FAF1: variants seen among roughly 807,000 people sequenced by gnomAD.
FAF1 encodes the protein Fas associated factor 1.
In FAF1, 25 loss-of-function variants were observed where a neutral mutation model predicts 92.5. That is an observed-to-expected ratio of 0.27 (90% CI 0.20 to 0.38). The LOEUF (loss-of-function observed/expected upper bound fraction) is 0.38, where lower values mean the gene tolerates loss of function less well. FAF1 is among the 10% of genes least tolerant of loss of function. The probability of loss-of-function intolerance (pLI) is 1.00; values close to 1 mark genes in which losing one functional copy is unlikely to be tolerated. For synonymous variants in FAF1, 234 were observed against 273.2 expected (o/e 0.86, Z 1.42); for missense variants, 636 against 793.3 (o/e 0.80, Z 2.38).
At chr1:50,441,555 C>T in intron 18 of FAF1, 32 bp from the exon 19 acceptor site, 1 of 1,316,978 alleles carries the variant, frequency 7.6e-7, no homozygotes, top group Non-Finnish European at 1.1e-6. Flanking sequence ...ATTCAAAAGA[C>T]TGAAACAAGC....
At chr1:50,760,012 T>C (rs182067132) in intron 4 of FAF1, among the ~76,000 whole-genome samples, 173 of 152,306 alleles carry the variant, frequency 1.1e-3, no homozygotes, top group Non-Finnish European at 1.8e-3. Context: ...TGTTTTTTTC[T>C]TGTAAATTTG....
chr1:50,590,690 G>A (rs1651459951), intron 9 of FAF1, among the ~76,000 whole-genome samples: 1 of 152,122 alleles, frequency 6.6e-6, no homozygotes, highest in African/African-American at 2.4e-5. Context: ...TGGTGAAAGG[G>A]GTCATTCTTG....
rs1445430902 is a variant in FAF1, at chr1:50,763,588, C to T, written c.368-18813G>A. Among the ~76,000 whole-genome samples, 8 of 152,234 alleles carry T rather than the reference C, an allele frequency of 5.3e-5. No individual in the cohort carries two copies. In the South Asian group the frequency reaches 1.4e-3, roughly 28 times the overall value. On this transcript the variant is annotated intron_variant, in intron 4 of 18. Transcript: ENST00000396153. ...GCCTAGAAGTCGTTCAGACAACATC[C>T]TTCCCTCTCCAGCCTCTAGCTCCCA...
intron 1 of FAF1, among the ~76,000 whole-genome samples, chr1:50,918,101 C>T (rs1230562143): frequency 6.6e-6 from 1 of 152,048 alleles, no homozygotes; most frequent in African/African-American, 2.4e-5. Context: ...GGCCACCACA[C>T]CCTGCCTATA....
chr1:50,650,305 A>G lies in FAF1; in HGVS notation c.744+5137T>C, dbSNP rs915547139. 1.7e-4 allele frequency among the ~76,000 whole-genome samples: 25 copies of G among 144,516 alleles called. No homozygotes were observed. In the East Asian group the frequency reaches 2.0e-3, roughly 11 times the overall value. The allele number at this position is 144,516 out of a possible 152,430, so 94.8% of individuals were successfully genotyped here. Reference sequence around the variant, plus strand: ...GTCTCAAAAAAAAAAAAAAAAAAAAAGTAATAAAACTGAAAGAGTTGGCCG... The same window carrying G: ...GTCTCAAAAAAAAAAAAAAAAAAAAGGTAATAAAACTGAAAGAGTTGGCCG... On this transcript the variant is annotated intron_variant, in intron 8 of 18. Transcript: ENST00000396153.
In FAF1 at chr1:50,836,817, ATTCTC is replaced by A. The variant is rs1193529492; in HGVS notation, c.114+21107_114+21111del. On this transcript the variant is annotated intron_variant, in intron 2 of 18. Coordinates refer to ENST00000396153, the MANE Select transcript of FAF1 (RefSeq NM_007051.3). ...AGCATTTAATCTTAAGAATAAGGATATTCTCTTTATAACCACAATATCATTATCAA... is the reference window on the plus strand; with the variant it reads ...AGCATTTAATCTTAAGAATAAGGATATTTATAACCACAATATCATTATCAA... Among the ~76,000 whole-genome samples the A allele has an allele frequency of 3.3e-5, 5 of 152,264 alleles. No homozygotes were observed. The East Asian group carries it at 9.6e-4, about 29-fold the overall frequency.
At chr1:50,623,492 C>T (rs1653310153) in intron 8 of FAF1, among the ~76,000 whole-genome samples, 1 of 151,748 alleles carries the variant, frequency 6.6e-6, no homozygotes, top group South Asian at 2.1e-4. Flanking sequence ...TTGCTTGAAC[C>T]CGGCAGGTGG....
At chr1:50,848,846 G>C (rs140926493) in intron 2 of FAF1, among the ~76,000 whole-genome samples, 1 of 152,346 alleles carries the variant, frequency 6.6e-6, no homozygotes, top group Non-Finnish European at 1.5e-5. Flanking sequence ...CAAGTTGGGA[G>C]AGGCTACAGA....
chr1:50,451,888 T>C, intron 18 of FAF1: 5 of 1,081,694 alleles, frequency 4.6e-6, no homozygotes, highest in Non-Finnish European at 5.6e-6. Context: ...CTCTAAGGTA[T>C]TATAATGTTA....
chr1:50,509,536 T>C (rs1431544405), intron 15 of FAF1, among the ~76,000 whole-genome samples: 3 of 152,074 alleles, frequency 2.0e-5, no homozygotes, highest in Non-Finnish European at 4.4e-5. Flanking sequence ...TGTTTGAGCC[T>C]GGGAAGTTGA....
rs527626683 is a variant in FAF1 at position 50,690,953 on chromosome 1, A to T, written c.657+14833T>A. On this transcript the variant is annotated intron_variant, in intron 7 of 18. Transcript: ENST00000396153. ...TGACTGAAAATATTCCATTGTATGG[A>T]TATACCACATTTTGTTTATCCATTC... Among the ~76,000 whole-genome samples, 4 of 152,254 alleles carry T rather than the reference A, an allele frequency of 2.6e-5. No individual in the cohort carries two copies. The South Asian group carries it at 8.3e-4, about 32-fold the overall frequency.
At chr1:50,943,981 G>A (rs757448499) in intron 1 of FAF1, among the ~76,000 whole-genome samples, 4 of 152,214 alleles carry the variant, frequency 2.6e-5, no homozygotes, top group Non-Finnish European at 4.4e-5. Flanking sequence ...ACTCAGTTCA[G>A]TTCAGAACAG....
intron 1 of FAF1, 49 bp from the exon 2 acceptor site, chr1:50,858,046 A>T: frequency 6.0e-6 from 8 of 1,332,416 alleles, no homozygotes; most frequent in Non-Finnish European, 8.4e-6. Context: ...AGAAATAGGG[A>T]GGTAAATCAG....
chr1:50,575,328 CA>C (rs1296166798), intron 12 of FAF1, among the ~76,000 whole-genome samples: 1 of 152,078 alleles, frequency 6.6e-6, no homozygotes, highest in Non-Finnish European at 1.5e-5. Flanking sequence ...GAATTAAAGG[CA>C]AATTCTAAGT....
In FAF1 at chr1:50,922,172, A is replaced by C. The variant is rs528977104; in HGVS notation, c.45+37595T>G. Among the ~76,000 whole-genome samples the C allele has an allele frequency of 1.1e-4, 15 of 138,794 alleles. No homozygotes were observed. The East Asian group carries it at 2.6e-3, about 24-fold the overall frequency. The allele number at this position is 138,794 out of a possible 152,430, so 91.1% of individuals were successfully genotyped here. On this transcript the variant is annotated intron_variant, in intron 1 of 18. Coordinates refer to ENST00000396153, the MANE Select transcript of FAF1 (RefSeq NM_007051.3). ...ACAGAGAGAGACTCCGTCTCAAAAA[A>C]AAAAGGCCAGGCGCAGTGGCTCACA...
intron 1 of FAF1, among the ~76,000 whole-genome samples, chr1:50,885,751 T>C (rs1385687620): frequency 2.0e-5 from 3 of 152,190 alleles, no homozygotes; most frequent in African/African-American, 7.2e-5. Context: ...TTTGTGGTAT[T>C]CTCTTCCTTC....
chr1:50,488,049 T>G (rs1646787708), intron 17 of FAF1, among the ~76,000 whole-genome samples: 1 of 152,192 alleles, frequency 6.6e-6, no homozygotes, highest in Admixed American at 6.5e-5. Flanking sequence ...TGGATAAGAT[T>G]GGACTAAATG....
At chr1:50,903,861 G>A (rs976716923) in intron 1 of FAF1, among the ~76,000 whole-genome samples, 6 of 152,048 alleles carry the variant, frequency 3.9e-5, no homozygotes, top group Admixed American at 3.9e-4. Context: ...CTCTCTACAG[G>A]TTGCACATAC....
At chr1:50,836,170 G>GTTTTTGTTTTTTT (rs1644200526) in intron 2 of FAF1, among the ~76,000 whole-genome samples, 1 of 98,526 alleles carries the variant, frequency 1.0e-5, no homozygotes, top group Admixed American at 1.1e-4. Flanking sequence ...TTTTGTTTCT[G>GTTTTTGTTTTTTT]TTTTTTTTTT....
Sources: gnomAD v4.1 joint callset for allele counts (sites outside exome capture counted in the v4.1 genomes callset) on GRCh38, gnomAD v4.1.1 for gene constraint, MANE v1.5 for transcripts, NCBI Gene and HGNC (gene_info 2026-07-23, HGNC 2026-07-21) for gene names.